Variants in DCUN1D2 observed in about 807,000 individuals in gnomAD.
The protein encoded by DCUN1D2 is DCN1-like protein 2.
DCUN1D2 carries 29 observed loss-of-function variants against 30.9 expected under a neutral mutation model. That is an observed-to-expected ratio of 0.94 (90% CI 0.70 to 1.28). The LOEUF (loss-of-function observed/expected upper bound fraction) is 1.28, where lower values mean the gene tolerates loss of function less well. Ranked by LOEUF, DCUN1D2 falls within the 50% of genes most tolerant of loss-of-function variation. The pLI, the probability that DCUN1D2 is intolerant of heterozygous loss-of-function variation, is 0.00. For synonymous variants in DCUN1D2, 121 were observed against 115.3 expected, an observed-to-expected ratio of 1.05 and a Z score of -0.32; for missense variants, 325 against 316.9, an observed-to-expected ratio of 1.03 and a Z score of -0.19.
intron 4 of DCUN1D2, among the ~76,000 whole-genome samples, chr13:113,469,590 A>G (rs1238088626): frequency 6.6e-6 from 1 of 152,190 alleles, no homozygotes; most frequent in Non-Finnish European, 1.5e-5. Flanking sequence ...CTGAGGTGGG[A>G]GGATCACTGA....
intron 3 of DCUN1D2, among the ~76,000 whole-genome samples, chr13:113,477,263 G>A (rs541838428): frequency 1.6e-4 from 24 of 152,116 alleles, no homozygotes; most frequent in Non-Finnish European, 3.4e-4. Context: ...ACCTATAAAT[G>A]AAGTATATTT....
intron 4 of DCUN1D2, among the ~76,000 whole-genome samples, chr13:113,465,725 G>A (rs566892592): frequency 2.0e-5 from 3 of 150,656 alleles, no homozygotes; most frequent in African/African-American, 7.3e-5. Context: ...GGAGTGCAGT[G>A]GTGCAATCTC....
At chr13:113,475,081 A>G (rs1318087068) in intron 3 of DCUN1D2, among the ~76,000 whole-genome samples, 2 of 152,352 alleles carry the variant, frequency 1.3e-5, no homozygotes, top group East Asian at 3.9e-4. Flanking sequence ...CACTTACTCA[A>G]GTAGAGTAGA....
chr13:113,485,218 A>C (rs193220424), intron 1 of DCUN1D2, among the ~76,000 whole-genome samples: 1 of 152,372 alleles, frequency 6.6e-6, no homozygotes, highest in African/African-American at 2.4e-5. Context: ...AAAATGCTTT[A>C]CACAATAATA....
intron 3 of DCUN1D2, among the ~76,000 whole-genome samples, chr13:113,474,594 C>A (rs1386911924): frequency 1.3e-5 from 2 of 152,124 alleles, no homozygotes; most frequent in African/African-American, 4.8e-5. Context: ...AAAAGAAAAA[C>A]CCAAAACCAA....
intron 1 of DCUN1D2, among the ~76,000 whole-genome samples, chr13:113,484,600 A>C (rs1042012497): frequency 2.6e-5 from 4 of 152,210 alleles, no homozygotes; most frequent in African/African-American, 9.6e-5. Context: ...GCACAAAAAA[A>C]CCTGTTATGA....
At chr13:113,469,144 G>GCACA (rs151101835) in intron 4 of DCUN1D2, among the ~76,000 whole-genome samples, 33,704 of 147,996 alleles carry the variant, frequency 0.23, 4,183 homozygotes, top group South Asian at 0.36. Flanking sequence ...CTACACGCCT[G>GCACA]CACACACACA....
intron 4 of DCUN1D2, among the ~76,000 whole-genome samples, chr13:113,466,142 T>G (rs2044399510): frequency 6.6e-6 from 1 of 152,118 alleles, no homozygotes; most frequent in Non-Finnish European, 1.5e-5. Context: ...CCAGAAGTGC[T>G]GGGATTACCG....
chr13:113,490,830 G>A (rs781537947), upstream of DCUN1D2: 242 of 527,548 alleles, frequency 4.6e-4, 1 homozygote, highest in South Asian at 3.1e-3. The surrounding 1 kb of genome is among the most constrained non-coding windows in gnomAD (Gnocchi z 5.2). Flanking sequence ...CCGCCCGGGG[G>A]CCCACGGGAG....
intron 4 of DCUN1D2, among the ~76,000 whole-genome samples, chr13:113,469,961 G>C (rs1308571959): frequency 1.3e-5 from 2 of 152,190 alleles, no homozygotes; most frequent in African/African-American, 4.8e-5. Context: ...ACTTAGTAAT[G>C]AGGAAATCAC....
intron 3 of DCUN1D2, among the ~76,000 whole-genome samples, chr13:113,475,210 G>T (rs1384765255): frequency 6.6e-6 from 1 of 152,212 alleles, no homozygotes; most frequent in Non-Finnish European, 1.5e-5. Context: ...ACAGCAGAAG[G>T]CGTATGTCAC....
intron 6 of DCUN1D2, 66 bp downstream of exon 6, chr13:113,459,246 C>T: frequency 1.2e-6 from 1 of 862,280 alleles, no homozygotes; most frequent in Non-Finnish European, 2.0e-6. Flanking sequence ...ACTCTAGAGG[C>T]AGGAGAAGTT....
At chr13:113,485,875 C>T (rs1029101391) in intron 1 of DCUN1D2, among the ~76,000 whole-genome samples, 1 of 152,168 alleles carries the variant, frequency 6.6e-6, no homozygotes, top group African/African-American at 2.4e-5. Context: ...ACAGAGTGCA[C>T]AGCAGAGGCC....
intron 4 of DCUN1D2, among the ~76,000 whole-genome samples, chr13:113,463,655 T>G (rs2044354466): frequency 6.6e-6 from 1 of 152,170 alleles, no homozygotes; most frequent in African/African-American, 2.4e-5. Flanking sequence ...TCCTCTCTAT[T>G]AGGTTAACCG....
intron 6 of DCUN1D2, 39 bp from the exon 7 acceptor site, chr13:113,458,147 C>T (rs2139668198): frequency 1.3e-6 from 2 of 1,537,160 alleles, no homozygotes; most frequent in Non-Finnish European, 1.8e-6. Flanking sequence ...CGTTAGAGCA[C>T]CGTTTTTATC....
chr13:113,462,923 C>G, intron 4 of DCUN1D2: 1 of 1,221,750 alleles, frequency 8.2e-7, no homozygotes, highest in East Asian at 6.3e-5. Flanking sequence ...AGTTTTATGG[C>G]ACACATTTAA....
chr13:113,461,847 A>T (rs9577556), intron 4 of DCUN1D2, among the ~76,000 whole-genome samples: 2 of 152,114 alleles, frequency 1.3e-5, no homozygotes, highest in African/African-American at 4.8e-5. Flanking sequence ...GCTGTCTCCA[A>T]TCCATAGTTT....
In DCUN1D2 at chr13:113,488,264, A is replaced by G. The variant is rs2044842922; in HGVS notation, c.3+2403T>C. Among the ~76,000 whole-genome samples, 1 of 152,204 alleles carries G rather than the reference A, an allele frequency of 6.6e-6. No homozygotes were observed. The highest frequency in any genetic ancestry group is 3.2e-3 in the Middle Eastern group (1 of 316). ...GATACTCCAGTAAACCCTGAACCAC[A>G]CGGTGGTGCCAAGGCACTGGTTCTG... On this transcript the variant is annotated intron_variant, in intron 1 of 6. Transcript: ENST00000478244. The surrounding 1 kb of genome is among the most constrained non-coding windows in gnomAD (Gnocchi z 4.3).
chr13:113,465,203 A>G (rs1046200459), intron 4 of DCUN1D2, among the ~76,000 whole-genome samples: 4 of 152,336 alleles, frequency 2.6e-5, no homozygotes, highest in African/African-American at 9.6e-5. Context: ...GTCAGAAAAA[A>G]AGTTTTATCA....
Sources: allele counts gnomAD v4.1 joint callset (sites outside exome capture counted in the v4.1 genomes callset), GRCh38; gene constraint gnomAD v4.1.1; non-coding constraint Gnocchi (gnomAD v3.1); transcripts MANE v1.5; gene names NCBI Gene and HGNC (gene_info 2026-07-23, HGNC 2026-07-21).